CELF4: variants seen among roughly 807,000 people sequenced by gnomAD.
CELF4 encodes CUGBP Elav-like family member 4, also known as CUG-BP- and ETR-3-like factor 4.
A neutral mutation model predicts 59.9 loss-of-function variants in CELF4; 18 were observed. That is an observed-to-expected ratio of 0.30 (90% CI 0.21 to 0.45). CELF4 has a LOEUF of 0.45. CELF4 is among the 20% of genes least tolerant of loss of function. The pLI is 1.00. For synonymous variants in CELF4, 261 were observed against 267.1 expected, an observed-to-expected ratio of 0.98 and a Z score of 0.22; for missense variants, 456 against 689.0, an observed-to-expected ratio of 0.66 and a Z score of 3.79.
intron 3 of CELF4, among the ~76,000 whole-genome samples, chr18:37,294,626 G>A (rs867012718): frequency 4.6e-5 from 7 of 152,126 alleles, no homozygotes; most frequent in Non-Finnish European, 1.0e-4. Context: ...CTTCAAGATC[G>A]CCAGCCTGCT....
At chr18:37,562,773 C>T (rs1283003062) in intron 1 of CELF4, among the ~76,000 whole-genome samples, 1 of 152,166 alleles carries the variant, frequency 6.6e-6, no homozygotes, top group Non-Finnish European at 1.5e-5. Context: ...ATAAACCAGA[C>T]CTCGGAAACG....
chr18:37,390,807 A>AGG (rs1004031145), intron 2 of CELF4, among the ~76,000 whole-genome samples: 1 of 57,094 alleles, frequency 1.8e-5, no homozygotes, highest in African/African-American at 8.6e-5. Context: ...TGGGGCGGGG[A>AGG]GGGGGGGCAG....
chr18:37,513,984 A>G (rs985838237), intron 1 of CELF4, among the ~76,000 whole-genome samples: 5 of 139,076 alleles, frequency 3.6e-5, no homozygotes, highest in East Asian at 2.1e-4. Context: ...GTGTGTGTGT[A>G]TACCTTCTGA....
intron 2 of CELF4, among the ~76,000 whole-genome samples, chr18:37,441,030 A>G (rs532460007): frequency 3.9e-4 from 59 of 152,314 alleles, no homozygotes; most frequent in Admixed American, 3.7e-3. Context: ...TACCACCACA[A>G]CCGTATCTGC....
intron 2 of CELF4, among the ~76,000 whole-genome samples, chr18:37,438,349 G>A (rs2099700194): frequency 6.6e-6 from 1 of 152,192 alleles, no homozygotes; most frequent in Admixed American, 6.5e-5. Context: ...GGTGGGGCAA[G>A]GGGCTTGGCA....
intron 2 of CELF4, 68 bp downstream of exon 2, chr18:37,485,457 C>G: frequency 9.7e-7 from 1 of 1,035,698 alleles, no homozygotes; most frequent in Non-Finnish European, 1.2e-6. Flanking sequence ...GCCGCGCCGC[C>G]GCCCGGCCTC....
intron 2 of CELF4, among the ~76,000 whole-genome samples, chr18:37,337,662 G>C (rs893699830): frequency 5.9e-5 from 9 of 152,200 alleles, no homozygotes; most frequent in Non-Finnish European, 8.8e-5. Context: ...CGGAAGTCAT[G>C]TTCCCATCAC....
intron 1 of CELF4, 63 bp from the exon 2 acceptor site, chr18:37,485,670 C>A: frequency 8.9e-7 from 1 of 1,117,344 alleles, no homozygotes; most frequent in Non-Finnish European, 1.2e-6. Flanking sequence ...CCGACGCGCC[C>A]TGCCGCCCGC....
rs1034379582 is a variant in CELF4, at chr18:37,253,620, C to G, written c.*44+147G>C. Reference sequence around the variant, plus strand: ...GGTGACGGCAGCTCTGCGCCTGGCCCGAGGAGCAGGGCGAGGAGCAGGTTG... The same window carrying G: ...GGTGACGGCAGCTCTGCGCCTGGCCGGAGGAGCAGGGCGAGGAGCAGGTTG... On this transcript the variant is annotated intron_variant, in intron 12 of 12. Coordinates refer to ENST00000420428, the MANE Select transcript of CELF4 (RefSeq NM_020180.4). This position sits in a 1 kb window ranked among gnomAD's most constrained non-coding sequence, Gnocchi z 4.5. 4 of 565,112 alleles carry G rather than the reference C, an allele frequency of 7.1e-6. No individual in the cohort carries two copies. The highest frequency in any genetic ancestry group is 8.6e-6 in the Non-Finnish European group (3 of 347,188). The allele number at this position is 565,112 out of a possible 1,614,324, so 35.0% of individuals were successfully genotyped here.
intron 1 of CELF4, among the ~76,000 whole-genome samples, chr18:37,553,930 C>G (rs2099984005): frequency 6.6e-6 from 1 of 152,196 alleles, no homozygotes; most frequent in Non-Finnish European, 1.5e-5. Flanking sequence ...CAGGCGACAG[C>G]TGGAGGAAAG....
At chr18:37,448,017 G>A (rs1036038982) in intron 2 of CELF4, among the ~76,000 whole-genome samples, 2 of 152,190 alleles carry the variant, frequency 1.3e-5, no homozygotes, top group African/African-American at 4.8e-5. Context: ...GAGCCACATT[G>A]GTATAAGCCT....
rs529146973 is a variant in CELF4 at position 37,377,161 on chromosome 18, C to T, written c.370-55280G>A. ...TGAGGAGAAAAAAGGGAGAAGGGAG[C>T]GGCCAGGGAAACAAAGGCATCCTGA... On this transcript the variant is annotated intron_variant, in intron 2 of 12. Transcript: ENST00000420428. 6.6e-5 allele frequency among the ~76,000 whole-genome samples: 10 copies of T among 152,148 alleles called. No individual in the cohort carries two copies. The East Asian group carries it at 1.5e-3, about 24-fold the overall frequency.
chr18:37,373,397 C>T (rs1177825139), intron 2 of CELF4, among the ~76,000 whole-genome samples: 1 of 152,194 alleles, frequency 6.6e-6, no homozygotes, highest in Non-Finnish European at 1.5e-5. Context: ...AACAGCCCAT[C>T]CTGGCCCATC....
intron 9 of CELF4, among the ~76,000 whole-genome samples, chr18:37,265,278 C>T (rs1028780785): frequency 2.6e-5 from 4 of 151,946 alleles, no homozygotes; most frequent in Admixed American, 6.5e-5. Flanking sequence ...GCATACATTA[C>T]ATGCACACAT....
intron 2 of CELF4, among the ~76,000 whole-genome samples, chr18:37,375,606 A>T (rs1367353078): frequency 6.6e-6 from 1 of 152,110 alleles, no homozygotes. Context: ...GCAGAGAGGG[A>T]AACTGAGGCC....
intron 1 of CELF4, among the ~76,000 whole-genome samples, chr18:37,559,999 A>G (rs993196524): frequency 2.6e-5 from 4 of 152,248 alleles, no homozygotes; most frequent in African/African-American, 9.6e-5. Flanking sequence ...TTCATTCAAG[A>G]AAAGATTTCA....
chr18:37,422,920 G>T lies in CELF4; in HGVS notation c.369+62605C>A, dbSNP rs2099587275. Among the ~76,000 whole-genome samples, 3 of 152,314 alleles carry T rather than the reference G, an allele frequency of 2.0e-5. No homozygotes were observed. In the South Asian group the frequency reaches 6.2e-4, roughly 32 times the overall value. On this transcript the variant is annotated intron_variant, in intron 2 of 12. Transcript: ENST00000420428. ...CATGAGCACAACGCAAAATTTCCCT[G>T]TTTTCTTCAGTACAGTGCCCATCCC...
chr18:37,519,618 G>A (rs1393236488), intron 1 of CELF4, among the ~76,000 whole-genome samples: 3 of 152,222 alleles, frequency 2.0e-5, no homozygotes, highest in Admixed American at 6.5e-5. Flanking sequence ...AAGATGCCGA[G>A]ATCTGTGGGC....
chr18:37,450,883 A>C (rs2154601645), intron 2 of CELF4, among the ~76,000 whole-genome samples: 1 of 152,184 alleles, frequency 6.6e-6, no homozygotes, highest in East Asian at 1.9e-4. Context: ...CTGGTTTTTC[A>C]GGAGTGGGAA....
Sources: gnomAD v4.1 joint callset for allele counts (sites outside exome capture counted in the v4.1 genomes callset) on GRCh38, gnomAD v4.1.1 for gene constraint, Gnocchi (gnomAD v3.1) non-coding constraint, MANE v1.5 for transcripts, NCBI Gene and HGNC (gene_info 2026-07-23, HGNC 2026-07-21) for gene names.